ADGRF3: variants seen among roughly 807,000 people sequenced by gnomAD.
ADGRF3 encodes G protein-coupled receptor 113.
In ADGRF3, 85 loss-of-function variants were observed where a neutral mutation model predicts 93.2. The ratio of observed to expected loss-of-function variants is 0.91; its 90% CI spans 0.77 to 1.09. ADGRF3 has a LOEUF of 1.09. ADGRF3 is among the 50% of genes least tolerant of loss of function. ADGRF3 has a pLI of 0.00. For synonymous variants in ADGRF3, 534 were observed against 532.5 expected, an observed-to-expected ratio of 1.00 and a Z score of -0.04; for missense variants, 1,125 against 1,246.2, an observed-to-expected ratio of 0.90 and a Z score of 1.46.
chr2:26,318,881 C>T, intron 1 of ADGRF3: 1 of 1,548,204 alleles, frequency 6.5e-7, no homozygotes, highest in Non-Finnish European at 8.7e-7. Context: ...CCTATCCTTT[C>T]ATTCCATGCT....
chr2:26,314,272 G>A (rs138138237), intron 6 of ADGRF3, 142 bp downstream of exon 6: 3 of 790,144 alleles, frequency 3.8e-6, no homozygotes, highest in East Asian at 2.7e-5. Flanking sequence ...GCTCTGATGG[G>A]GTAGAAAACA....
intron 4 of ADGRF3, 74 bp downstream of exon 4, chr2:26,316,201 C>T (rs901386102): frequency 4.8e-6 from 7 of 1,454,404 alleles, no homozygotes; most frequent in Non-Finnish European, 6.5e-6. Flanking sequence ...ACTACAGGTT[C>T]AGAGAGGAGA....
rs1674045897 is a variant in ADGRF3, at chr2:26,311,003, C to T, written c.2521G>A (p.Gly841Arg). 4 of 1,613,174 alleles carry T rather than the reference C, an allele frequency of 2.5e-6. No homozygotes were observed. Among genetic ancestry groups the T allele is most frequent in the African/African-American group, 1.3e-5 (1 of 74,902 alleles). ...CATTCCCCCTCCCTCAGGTATTGCC[C>T]TTGAGGTAGGTAGAGCCCCAGGGTG... ...GVTLGLYLPQ[G>R]QYLREGECWL... is the part of the protein sequence containing the mutation. The change falls in exon 10 of 14, where the codon GGG (glycine) becomes AGG (arginine). Residue 841 changes from glycine (G) to arginine (R), a missense_variant. Physicochemically the swap from Gly to Arg is moderately radical, Grantham distance 125 (BLOSUM62 -2). Transcript: ENST00000651242.
chr2:26,318,987 T>A (rs1674941144), intron 1 of ADGRF3: 2 of 1,551,718 alleles, frequency 1.3e-6, no homozygotes, highest in East Asian at 4.9e-5. Flanking sequence ...CTTGGGCAAC[T>A]GGTGACCCCA....
chr2:26,345,823 G>C (rs1207162697), intron 1 of ADGRF3: 3 of 411,922 alleles, frequency 7.3e-6, no homozygotes, highest in East Asian at 4.7e-5. Flanking sequence ...CCTTCCCCCG[G>C]GACCGGGAGC....
chr2:26,328,627 T>C (rs1675587109), intron 1 of ADGRF3, among the ~76,000 whole-genome samples: 1 of 152,238 alleles, frequency 6.6e-6, no homozygotes, highest in South Asian at 2.1e-4. Context: ...AATTTTGTGG[T>C]ATTTTTAGTA....
At chr2:26,329,166 C>T (rs904226261) in intron 1 of ADGRF3, among the ~76,000 whole-genome samples, 2 of 152,196 alleles carry the variant, frequency 1.3e-5, no homozygotes, top group Non-Finnish European at 2.9e-5. Context: ...GACAGGGTCT[C>T]ACTCTGTTGC....
intron 1 of ADGRF3, among the ~76,000 whole-genome samples, chr2:26,329,709 G>T (rs1041100267): frequency 3.9e-5 from 6 of 152,208 alleles, no homozygotes; most frequent in Non-Finnish European, 8.8e-5. Flanking sequence ...CAGAGCTCAT[G>T]CAATAACTTT....
Position 26,315,524 on chromosome 2 carries a change from G to C in ADGRF3, c.716C>G (p.Ala239Gly). 6.5e-7 allele frequency: 1 copy of C among 1,550,304 alleles called. No homozygotes were observed. The highest frequency in any genetic ancestry group is 1.2e-5 in the South Asian group (1 of 84,006). The change falls in exon 5 of 14, where the codon GCA becomes GGA. Residue 239 changes from alanine to glycine, a missense_variant and splice_region_variant. Transcript: ENST00000651242. ...LSVSNMSHHW[A>G]GEYMSCFEAQ... is the part of the protein sequence containing the mutation. ...CAAGGAGAGGACAGGCTGGCTACCT[G>C]CCCAGTGATGGGACATGTTGGAGAC... is the stretch of plus-strand genomic sequence containing the variant.
intron 6 of ADGRF3, among the ~76,000 whole-genome samples, 189 bp downstream of exon 6, chr2:26,314,225 A>G (rs961486998): frequency 3.3e-5 from 5 of 152,192 alleles, no homozygotes; most frequent in African/African-American, 1.2e-4. Context: ...AGTTTCCTAT[A>G]CACATGTGGT....
In ADGRF3 at chr2:26,310,909, T is replaced by C; in HGVS notation, c.2615A>G (p.Asn872Ser). The change falls in exon 10 of 14, where the codon AAT becomes AGT. Residue 872 changes from asparagine (N) to serine (S), a missense_variant. By Grantham distance (46) the Asn-to-Ser change is conservative. Transcript: ENST00000651242. ...CATGGCCATGGCTAGTACCAGCCCA[T>C]TCACGCCTATGATGGCCAGCACTGG... ...VGPVLAIIGVNGLVLAMAMLK... is the reference protein window; with the variant it reads ...VGPVLAIIGVSGLVLAMAMLK... The C allele has an allele frequency of 6.2e-7, 1 of 1,612,982 alleles. No individual in the cohort carries two copies. Among genetic ancestry groups the C allele is most frequent in the African/African-American group, 1.3e-5 (1 of 75,026 alleles).
At chr2:26,323,114 G>A (rs1675248584) in intron 1 of ADGRF3, among the ~76,000 whole-genome samples, 1 of 152,104 alleles carries the variant, frequency 6.6e-6, no homozygotes, top group African/African-American at 2.4e-5. Context: ...ACTCCAGCCT[G>A]GGCAACAGAG....
intron 1 of ADGRF3, chr2:26,318,113 G>A (rs1574711243): frequency 6.5e-7 from 1 of 1,544,352 alleles, no homozygotes; most frequent in Non-Finnish European, 8.7e-7. Context: ...GGCAGGCAGG[G>A]AAGGGTCTGT....
At chr2:26,330,241 C>G (rs1250219570) in intron 1 of ADGRF3, among the ~76,000 whole-genome samples, 2 of 152,142 alleles carry the variant, frequency 1.3e-5, no homozygotes, top group Admixed American at 6.6e-5. Context: ...GATGGTCGAT[C>G]TCTTAGTGCA....
chr2:26,322,158 T>C (rs1289745031), intron 1 of ADGRF3, among the ~76,000 whole-genome samples: 4 of 149,820 alleles, frequency 2.7e-5, no homozygotes, highest in African/African-American at 9.9e-5. Flanking sequence ...GGTGCGTGCC[T>C]GTAATCCCAG....
intron 1 of ADGRF3, 61 bp from the exon 2 acceptor site, chr2:26,317,623 C>A: frequency 1.4e-6 from 2 of 1,428,084 alleles, no homozygotes; most frequent in South Asian, 2.5e-5. Context: ...AGGGGCCAGC[C>A]TGACTAGTCT....
At position 26,311,357 on chromosome 2, in the gene ADGRF3, C is replaced by T. The variant is rs761671177; in HGVS notation, c.2167G>A (p.Val723Met). 7.4e-6 allele frequency: 12 copies of T among 1,614,068 alleles called. No individual in the cohort carries two copies. Among genetic ancestry groups the T allele is most frequent in the Non-Finnish European group, 1.0e-5 (12 of 1,179,910 alleles). Residue 723 changes from valine (V) to methionine (M), a missense_variant, in exon 10 of 14, where the codon GTG becomes ATG. By Grantham distance (21) the Val-to-Met change is conservative. Coordinates refer to ENST00000651242, the MANE Select transcript of ADGRF3 (RefSeq NM_001321971.2). ...ACGACTCTCCACACCAGCCAGTACACACCCAGGCACACAAGCAGCGCCAGT... is the reference window on the plus strand; with the variant it reads ...ACGACTCTCCACACCAGCCAGTACATACCCAGGCACACAAGCAGCGCCAGT... ...SILALLVCLG[V>M]YWLVWRVVVR... is the part of the protein sequence containing the mutation.
At chr2:26,335,005 G>T (rs115711223) in intron 1 of ADGRF3, among the ~76,000 whole-genome samples, 11 of 152,088 alleles carry the variant, frequency 7.2e-5, no homozygotes, top group Middle Eastern at 3.4e-3. Flanking sequence ...CTCACGATGT[G>T]CTTTTCTTTT....
rs993674285 is a variant in ADGRF3, at chr2:26,346,017, C to A, written c.114+104G>T. On this transcript the variant is annotated intron_variant, in intron 1 of 13. Coordinates refer to ENST00000651242, the MANE Select transcript of ADGRF3 (RefSeq NM_001321971.2). ...CGCTCGAGCGGGCTAGCAACCCCCC[C>A]TCGATGGGCGGGGAGAAGCGTGGGC... The A allele has an allele frequency of 4.0e-6, 5 of 1,257,932 alleles. No individual in the cohort carries two copies. In the African/African-American group the frequency reaches 6.0e-5, roughly 15 times the overall value. The allele number at this position is 1,257,932 out of a possible 1,614,324, so 77.9% of individuals were successfully genotyped here.
Sources: gnomAD v4.1 joint callset for allele counts (sites outside exome capture counted in the v4.1 genomes callset) on GRCh38, gnomAD v4.1.1 for gene constraint, MANE v1.5 for transcripts, NCBI Gene and HGNC (gene_info 2026-07-23, HGNC 2026-07-21) for gene names.